ANXA10: variants seen among roughly 807,000 people sequenced by gnomAD.
The protein encoded by ANXA10 is annexin A10.
ANXA10 carries 49 observed loss-of-function variants against 53.5 expected under a neutral mutation model. The ratio of observed to expected loss-of-function variants is 0.92; its 90% confidence interval spans 0.73 to 1.16. The LOEUF (loss-of-function observed/expected upper bound fraction) is 1.16, where lower values mean the gene tolerates loss of function less well. Among genes scored for constraint, ANXA10 ranks in the 50% most tolerant of loss-of-function variants. The pLI, the probability that ANXA10 is intolerant of heterozygous loss-of-function variation, is 0.00. For missense variants in ANXA10, 393 were observed against 394.4 expected, an observed-to-expected ratio of 1.00 and a Z score of 0.03; for synonymous variants, 131 against 128.9, an observed-to-expected ratio of 1.02 and a Z score of -0.11.
intron 6 of ANXA10, among the ~76,000 whole-genome samples, chr4:168,176,821 C>T (rs914251259): frequency 2.0e-5 from 3 of 151,270 alleles, no homozygotes; most frequent in East Asian, 1.9e-4. Flanking sequence ...GTCAACATGG[C>T]GAGATCCTCT....
At chr4:168,118,798 C>A (rs1026142736) in intron 1 of ANXA10, among the ~76,000 whole-genome samples, 1 of 152,136 alleles carries the variant, frequency 6.6e-6, no homozygotes, top group African/African-American at 2.4e-5. Flanking sequence ...TGTGTAAAGA[C>A]ACCTTCATGG....
intron 3 of ANXA10, among the ~76,000 whole-genome samples, chr4:168,154,304 C>T (rs1297505854): frequency 6.6e-6 from 1 of 152,046 alleles, no homozygotes; most frequent in Non-Finnish European, 1.5e-5. Flanking sequence ...CTTATACATT[C>T]ATGTATGTAT....
At chr4:168,094,042 TTC>T (rs1212256669) in intron 1 of ANXA10, among the ~76,000 whole-genome samples, 1 of 152,196 alleles carries the variant, frequency 6.6e-6, no homozygotes, top group Non-Finnish European at 1.5e-5. Context: ...GCCTATTGTT[TTC>T]TCTCTCTGTT....
At chr4:168,112,998 G>C (rs1487987777) in intron 1 of ANXA10, among the ~76,000 whole-genome samples, 3 of 151,898 alleles carry the variant, frequency 2.0e-5, no homozygotes, top group Non-Finnish European at 2.9e-5. Flanking sequence ...ACTCCAGCCT[G>C]GGTGACAGAG....
At chr4:168,156,210 AT>A (rs1468094031) in intron 3 of ANXA10, among the ~76,000 whole-genome samples, 323 of 24,342 alleles carry the variant, frequency 0.013, 2 homozygotes, top group Non-Finnish European at 0.02. Flanking sequence ...TATATATTAT[AT>A]TATATGTAAT....
intron 1 of ANXA10, among the ~76,000 whole-genome samples, chr4:168,100,784 A>G (rs1192042029): frequency 6.6e-6 from 1 of 152,122 alleles, no homozygotes; most frequent in East Asian, 1.9e-4. Context: ...TGTTTTGGGA[A>G]CATTTCAGAT....
Position 168,176,951 on chromosome 4 carries a change from G to T in ANXA10, c.481-789G>T, listed in dbSNP as rs183753764. On this transcript the variant is annotated intron_variant, in intron 6 of 11. Transcript: ENST00000359299. ...GGAGGTCAAGGTTACAGTGAACTAT[G>T]ATCATGCCACTGCATTCTAACCTGT... 1.8e-3 allele frequency among the ~76,000 whole-genome samples: 281 copies of T among 152,264 alleles called. 2 individuals carry two copies. Among genetic ancestry groups the T allele is most frequent in the African/African-American group, 6.4e-3 (268 of 41,562 alleles).
chr4:168,107,717 C>A (rs1340050087), intron 1 of ANXA10, among the ~76,000 whole-genome samples: 1 of 152,106 alleles, frequency 6.6e-6, no homozygotes, highest in Non-Finnish European at 1.5e-5. Context: ...TTGCAGATGG[C>A]CACTTTCTTG....
chr4:168,128,317 T>C, intron 2 of ANXA10, 152 bp downstream of exon 2: 1 of 525,478 alleles, frequency 1.9e-6, no homozygotes, highest in South Asian at 3.6e-5. Flanking sequence ...AGAAGTAGAA[T>C]GAGAAGAAAA....
At chr4:168,134,843 G>C (rs1731211567) in intron 2 of ANXA10, among the ~76,000 whole-genome samples, 3 of 152,100 alleles carry the variant, frequency 2.0e-5, no homozygotes, top group Non-Finnish European at 4.4e-5. Context: ...CTGCTTTTCA[G>C]TGATACAGTC....
At chr4:168,108,096 C>A (rs1730746073) in intron 1 of ANXA10, among the ~76,000 whole-genome samples, 1 of 152,124 alleles carries the variant, frequency 6.6e-6, no homozygotes, top group Admixed American at 6.6e-5. Context: ...TGTGATGGCA[C>A]TGGTGAGAGT....
At chr4:168,127,383 T>C (rs1401941386) in intron 1 of ANXA10, among the ~76,000 whole-genome samples, 1 of 152,176 alleles carries the variant, frequency 6.6e-6, no homozygotes, top group Non-Finnish European at 1.5e-5. Context: ...AAGCTCATAA[T>C]CCAAATTCAA....
chr4:168,128,564 C>T (rs1731109445), intron 2 of ANXA10, among the ~76,000 whole-genome samples: 1 of 152,082 alleles, frequency 6.6e-6, no homozygotes, highest in South Asian at 2.1e-4. Flanking sequence ...TTGCTATTCC[C>T]CCAAATGACT....
intron 2 of ANXA10, among the ~76,000 whole-genome samples, chr4:168,131,557 T>TA (rs1721428689): frequency 6.6e-6 from 1 of 152,018 alleles, no homozygotes; most frequent in African/African-American, 2.4e-5. Flanking sequence ...TTAAATTACT[T>TA]ATAGAGTAAT....
intron 1 of ANXA10, among the ~76,000 whole-genome samples, chr4:168,123,952 C>G (rs1731029889): frequency 6.6e-6 from 1 of 152,180 alleles, no homozygotes; most frequent in South Asian, 2.1e-4. Flanking sequence ...AATCCTTCTT[C>G]CTTTACTTGC....
chr4:168,137,919 T>C (rs1038703205), intron 2 of ANXA10, among the ~76,000 whole-genome samples: 5 of 151,994 alleles, frequency 3.3e-5, no homozygotes, highest in Admixed American at 6.6e-5. Context: ...CTTTAAGCAT[T>C]CCTTTTTTTG....
intron 6 of ANXA10, among the ~76,000 whole-genome samples, chr4:168,175,015 C>T (rs1376624753): frequency 6.6e-6 from 1 of 151,990 alleles, no homozygotes; most frequent in African/African-American, 2.4e-5. Flanking sequence ...GAATTTAAAG[C>T]CACATGAGTA....
At chr4:168,138,775 G>A (rs576495735) in intron 2 of ANXA10, among the ~76,000 whole-genome samples, 15 of 152,220 alleles carry the variant, frequency 9.9e-5, no homozygotes, top group African/African-American at 3.4e-4. Flanking sequence ...TCTTTCAAGT[G>A]TTTTGTAGTT....
chr4:168,160,037 T>C (rs2319712), intron 3 of ANXA10, among the ~76,000 whole-genome samples: 92,312 of 151,194 alleles, frequency 0.61, 28,707 homozygotes, highest in African/African-American at 0.72. Context: ...ATAAATTGAG[T>C]ATATATATAT....
Sources: gnomAD v4.1 joint callset for allele counts (sites outside exome capture counted in the v4.1 genomes callset) on GRCh38, gnomAD v4.1.1 for gene constraint, MANE v1.5 for transcripts, NCBI Gene and HGNC (gene_info 2026-07-23, HGNC 2026-07-21) for gene names.